Variants in ZSCAN4 observed in about 807,000 individuals in gnomAD.
ZSCAN4 encodes the protein zinc finger and SCAN domain containing 4, also known as zinc finger and SCAN domain-containing protein 4.
ZSCAN4 carries 18 observed loss-of-function variants against 18.3 expected under a neutral mutation model. The observed-to-expected ratio is 0.98, with a 90% CI of 0.68 to 1.46. The LOEUF is 1.46. Ranked by LOEUF, ZSCAN4 falls within the 40% of genes most tolerant of loss-of-function variation. The pLI is 0.00. For synonymous variants in ZSCAN4, 193 were observed against 180.3 expected (o/e 1.07, Z -0.57); for missense variants, 498 against 511.4 (o/e 0.97, Z 0.25).
intron 2 of ZSCAN4, among the ~76,000 whole-genome samples, chr19:57,674,603 C>T (rs1984121847): frequency 6.6e-6 from 1 of 152,142 alleles, no homozygotes; most frequent in Admixed American, 6.5e-5. Flanking sequence ...CATGACTTTG[C>T]TCCTGTGACT....
chr19:57,663,030 C>G, the ZSCAN4 span, among the ~76,000 whole-genome samples: 1 of 151,180 alleles, frequency 6.6e-6, no homozygotes, highest in East Asian at 2.0e-4. Flanking sequence ...CCCCCCACCC[C>G]CAATAGCTGG....
upstream of ZSCAN4, among the ~76,000 whole-genome samples, chr19:57,668,710 ACTC>A (rs1983923927): frequency 6.6e-6 from 1 of 152,008 alleles, no homozygotes; most frequent in Non-Finnish European, 1.5e-5. Context: ...CACCATTTTA[ACTC>A]CTCCATCTCT....
chr19:57,665,883 G>C (rs138812672), upstream of ZSCAN4, among the ~76,000 whole-genome samples: 3,284 of 152,280 alleles, frequency 0.022, 131 homozygotes, highest in African/African-American at 0.075. Context: ...CTGCACTCCA[G>C]CCTGGGCAAC....
chr19:57,662,764 T>C, the ZSCAN4 span, among the ~76,000 whole-genome samples: 1 of 152,182 alleles, frequency 6.6e-6, no homozygotes, highest in East Asian at 1.9e-4. Context: ...TTCACCATGT[T>C]GGCCAGGCTG....
chr19:57,661,695 A>G, the ZSCAN4 span, among the ~76,000 whole-genome samples: 1 of 152,376 alleles, frequency 6.6e-6, no homozygotes, highest in South Asian at 2.1e-4. Context: ...TATTGAGGTA[A>G]AAGTGAGTGA....
the ZSCAN4 span, among the ~76,000 whole-genome samples, chr19:57,652,429 T>A: frequency 1.3e-5 from 2 of 152,136 alleles, no homozygotes; most frequent in African/African-American, 4.8e-5. Flanking sequence ...CCTCTCTCTG[T>A]CAATCCTGTT....
the ZSCAN4 span, among the ~76,000 whole-genome samples, chr19:57,661,101 C>T: frequency 1.3e-5 from 2 of 152,146 alleles, no homozygotes; most frequent in Non-Finnish European, 2.9e-5. Flanking sequence ...AGTTATTCTC[C>T]TCTTTTGATT....
chr19:57,676,401 C>G (rs748468774), exon 3 of ZSCAN4: 1 of 1,614,080 alleles, frequency 6.2e-7, no homozygotes, highest in East Asian at 2.2e-5. Flanking sequence ...AATTATTTCT[C>G]TATTAGTCCT....
chr19:57,652,758 T>C, the ZSCAN4 span, among the ~76,000 whole-genome samples: 2 of 152,202 alleles, frequency 1.3e-5, no homozygotes, highest in Non-Finnish European at 2.9e-5. Context: ...GCTGAAGGCA[T>C]AGTCTGAGTC....
the ZSCAN4 span, among the ~76,000 whole-genome samples, chr19:57,653,390 G>GAAAAAAAA: frequency 4.8e-4 from 37 of 76,464 alleles, no homozygotes; most frequent in African/African-American, 1.1e-3. Flanking sequence ...CCATCTCAAA[G>GAAAAAAAA]AAAAAAAAAA....
At chr19:57,676,060 C>A in exon 3 of ZSCAN4, 4 of 1,322,774 alleles carry the variant, frequency 3.0e-6, no homozygotes, top group Admixed American at 2.5e-5. Flanking sequence ...TTAAAGAATC[C>A]ACCAACTGTT....
the ZSCAN4 span, among the ~76,000 whole-genome samples, chr19:57,656,002 G>T: frequency 6.6e-6 from 1 of 151,822 alleles, no homozygotes; most frequent in African/African-American, 2.4e-5. Flanking sequence ...CTAGCAATAG[G>T]AAAAAGGGTC....
At chr19:57,676,428 G>C (rs776955167) in exon 3 of ZSCAN4, 2 of 1,614,200 alleles carry the variant, frequency 1.2e-6, no homozygotes, top group Admixed American at 3.3e-5. Flanking sequence ...GTTTATGATT[G>C]GTGGCCACTG....
the ZSCAN4 span, among the ~76,000 whole-genome samples, chr19:57,652,591 A>C: frequency 2.0e-5 from 3 of 151,016 alleles, no homozygotes; most frequent in Non-Finnish European, 4.4e-5. Flanking sequence ...CTTTGGTTCC[A>C]TCTCCCCCTC....
chr19:57,668,626 A>C (rs548612735), upstream of ZSCAN4, among the ~76,000 whole-genome samples: 1 of 152,214 alleles, frequency 6.6e-6, no homozygotes, highest in South Asian at 2.1e-4. Flanking sequence ...AGCCTGTATG[A>C]GGGTGGAAAG....
rs746749407 is a variant in ZSCAN4, at chr19:57,677,966, T to G, written c.449T>G (p.Leu150Ter). The change falls in exon 4 of 5, where the codon TTA becomes TGA. Residue 150 changes from leucine to a stop codon, truncating the protein, a stop_gained. Coordinates refer to ENST00000318203, the Ensembl canonical transcript of ZSCAN4. LOFTEE classifies it high-confidence loss of function. ...GCTCTCTTTTCTGAGGATATGCCCT[T>G]AAGAGATGTCATTGTTCATCTCACA... 8.1e-6 allele frequency: 13 copies of G among 1,595,394 alleles called. No individual in the cohort carries two copies. The highest frequency in any genetic ancestry group is 8.1e-5 in the African/African-American group (6 of 73,980).
chr19:57,673,049 T>G (rs28853427), intron 2 of ZSCAN4, among the ~76,000 whole-genome samples: 1 of 151,338 alleles, frequency 6.6e-6, no homozygotes, highest in Non-Finnish European at 1.5e-5. Flanking sequence ...TTAATTAATT[T>G]ATTTATTTAT....
the ZSCAN4 span, among the ~76,000 whole-genome samples, chr19:57,656,373 C>T: frequency 3.6e-3 from 555 of 152,340 alleles, 2 homozygotes; most frequent in Non-Finnish European, 5.6e-3. Flanking sequence ...GTTATCTTGA[C>T]ACAAACTCAT....
chr19:57,673,117 C>T (rs760405429), intron 2 of ZSCAN4, among the ~76,000 whole-genome samples: 4 of 151,982 alleles, frequency 2.6e-5, no homozygotes, highest in Admixed American at 1.3e-4. Context: ...GGCACGATCT[C>T]GGCTCACTGC....
Sources: gnomAD v4.1 joint callset for allele counts (sites outside exome capture counted in the v4.1 genomes callset) on GRCh38, gnomAD v4.1.1 for gene constraint, MANE v1.5 for transcripts, NCBI Gene and HGNC (gene_info 2026-07-23, HGNC 2026-07-21) for gene names.